Variants in PPP1R9B observed in about 807,000 individuals in gnomAD.
The protein encoded by PPP1R9B is neurabin-2.
A neutral mutation model predicts 75.8 loss-of-function variants in PPP1R9B; 17 were observed. That is an observed-to-expected ratio of 0.22 (90% CI 0.15 to 0.34). The LOEUF (loss-of-function observed/expected upper bound fraction) is 0.34, where lower values mean the gene tolerates loss of function less well. Ranked by LOEUF, PPP1R9B falls within the 10% of genes least tolerant of loss-of-function variation. The pLI is 1.00. For synonymous variants in PPP1R9B, 509 were observed against 535.4 expected, an observed-to-expected ratio of 0.95 and a Z score of 0.68; for missense variants, 875 against 1,196.0, an observed-to-expected ratio of 0.73 and a Z score of 3.96.
chr17:50,145,850 G>A (rs1598249111), intron 1 of PPP1R9B, among the ~76,000 whole-genome samples: 1 of 152,144 alleles, frequency 6.6e-6, no homozygotes, highest in African/African-American at 2.4e-5. Context: ...GCAGGGGAGG[G>A]AAGCAGGAAA....
Position 50,136,054 on chromosome 17 carries a change from C to G in PPP1R9B, c.2217G>C (p.Glu739Asp). The change falls in exon 8 of 10, where the codon GAG (glutamate) becomes GAC (aspartate). Residue 739 changes from glutamate (E) to aspartate (D), a missense_variant. Coordinates refer to ENST00000612501, the MANE Select transcript of PPP1R9B (RefSeq NM_032595.5). ...ACTGCGCCTGAGTCTCCCGCAGGTG[C>G]TCGTCCACAGCCTGGCACAGGCTCT... ...EAQSLCQAVD[E>D]HLRETQAQYQ... is the part of the protein sequence containing the mutation. The G allele has an allele frequency of 6.2e-7, 1 of 1,612,484 alleles. No individual in the cohort carries two copies. The highest frequency in any genetic ancestry group is 8.5e-7 in the Non-Finnish European group (1 of 1,179,510).
chr17:50,135,858 G>T, intron 8 of PPP1R9B, 110 bp downstream of exon 8: 2 of 951,014 alleles, frequency 2.1e-6, no homozygotes, highest in Non-Finnish European at 3.1e-6. Context: ...CCACCATGGG[G>T]CCCTCCAACT....
chr17:50,139,563 C>T lies in PPP1R9B; in HGVS notation c.1885G>A (p.Asp629Asn). The T allele has an allele frequency of 6.4e-7, 1 of 1,566,592 alleles. No individual in the cohort carries two copies. Among genetic ancestry groups the T allele is most frequent in the African/African-American group, 1.4e-5 (1 of 73,680 alleles). ...DDEETGEYATDEDEELSPTFP... is the reference protein window; with the variant it reads ...DDEETGEYATNEDEELSPTFP... ...GTGGGGCTCAGCTCCTCATCCTCGTCAGTGGCATACTCTCCCGTCTGCGAA... is the reference window on the plus strand; with the variant it reads ...GTGGGGCTCAGCTCCTCATCCTCGTTAGTGGCATACTCTCCCGTCTGCGAA... Residue 629 changes from aspartate (D) to asparagine (N), a missense_variant, in exon 6 of 10, where the codon GAC (aspartate) becomes AAC (asparagine). Asp to Asn is a conservative substitution (Grantham distance 23, BLOSUM62 1). Coordinates refer to ENST00000612501, the MANE Select transcript of PPP1R9B (RefSeq NM_032595.5). The surrounding 1 kb of genome is among the most constrained non-coding windows in gnomAD (Gnocchi z 5.0).
In PPP1R9B at chr17:50,150,466, G is replaced by A; in HGVS notation, c.48C>T (p.Ala16=). ...CCTCGTAGGCGCTGCGGTGCGGGGAGGCGCTCCGGAGGGGACCCCCGGGCC... is the reference window on the plus strand; with the variant it reads ...CCTCGTAGGCGCTGCGGTGCGGGGAAGCGCTCCGGAGGGGACCCCCGGGCC... The part of the protein sequence containing the change: ...PRGPGGPLRS[A]SPHRSAYEAG... Residue 16 remains alanine, a synonymous_variant, in exon 1 of 10, where the codon GCC becomes GCT. Coordinates refer to ENST00000612501, the MANE Select transcript of PPP1R9B (RefSeq NM_032595.5). The surrounding 1 kb of genome is among the most constrained non-coding windows in gnomAD (Gnocchi z 8.7). 7.2e-7 allele frequency: 1 copy of A among 1,384,988 alleles called. No homozygotes were observed. The highest frequency in any genetic ancestry group is 1.6e-5 in the South Asian group (1 of 62,178). 85.8% of individuals were successfully genotyped at this position (1,384,988 alleles called of 1,614,324 possible).
At chr17:50,138,812 A>T (rs1370632714) in intron 7 of PPP1R9B, among the ~76,000 whole-genome samples, 1 of 152,010 alleles carries the variant, frequency 6.6e-6, no homozygotes, top group Non-Finnish European at 1.5e-5. Context: ...GTTTGTAGAG[A>T]TAGGTTTTCG....
chr17:50,142,417 G>A lies in PPP1R9B; in HGVS notation c.1626-1044C>T, dbSNP rs910607186. ...TTAGACAACCCACAGGCAACAATGG[G>A]AAAGGCTCTGGAAGTTCACATTGGG... On this transcript the variant is annotated intron_variant, in intron 3 of 9. Transcript: ENST00000612501. The surrounding 1 kb of genome is among the most constrained non-coding windows in gnomAD (Gnocchi z 4.1). Among the ~76,000 whole-genome samples the A allele has an allele frequency of 6.6e-6, 1 of 152,186 alleles. No individual in the cohort carries two copies. The highest frequency in any genetic ancestry group is 1.5e-5 in the Non-Finnish European group (1 of 68,026).
intron 1 of PPP1R9B, among the ~76,000 whole-genome samples, chr17:50,147,059 G>A (rs1192019928): frequency 6.6e-6 from 1 of 152,148 alleles, no homozygotes; most frequent in South Asian, 2.1e-4. Context: ...CACGCCCGCT[G>A]TGACCTCCAA....
Position 50,150,066 on chromosome 17 carries a change from G to C in PPP1R9B, c.448C>G (p.Leu150Val), listed in dbSNP as rs1187417372. Residue 150 changes from leucine to valine, a missense_variant, in exon 1 of 10, where the codon CTG becomes GTG. Around this residue, in one of 4 missense-constraint regions of PPP1R9B, gnomAD observed 449 missense variants for 475.0 expected, o/e 0.95. Transcript: ENST00000612501. The surrounding 1 kb of genome is among the most constrained non-coding windows in gnomAD (Gnocchi z 8.7). ...GCCGCTGGGGCGCTCCGTTCGAACA[G>C]CTTCCGCGTCTCCTGCAGCCGGGAC... The part of the protein sequence containing the change: ...PPSRLQETRK[L>V]FERSAPAAAG... 6.9e-7 allele frequency: 1 copy of C among 1,443,440 alleles called. No homozygotes were observed. Among genetic ancestry groups the C allele is most frequent in the Non-Finnish European group, 9.0e-7 (1 of 1,105,550 alleles). 89.4% of individuals were successfully genotyped at this position (1,443,440 alleles called of 1,614,324 possible).
At chr17:50,144,500 C>T (rs1912464433) in intron 2 of PPP1R9B, among the ~76,000 whole-genome samples, 1 of 152,184 alleles carries the variant, frequency 6.6e-6, no homozygotes, top group Non-Finnish European at 1.5e-5. Flanking sequence ...GGCTCCCAAT[C>T]CATCTTAGCA....
At chr17:50,135,823 C>T in intron 8 of PPP1R9B, 145 bp downstream of exon 8, 1 of 858,386 alleles carries the variant, frequency 1.2e-6, no homozygotes. Flanking sequence ...GGCTCTGATG[C>T]CTGGTCATTC....
chr17:50,138,523 T>C (rs1567727825), intron 7 of PPP1R9B, among the ~76,000 whole-genome samples: 1 of 152,034 alleles, frequency 6.6e-6, no homozygotes, highest in Admixed American at 6.6e-5. Flanking sequence ...TCTGTACTTA[T>C]CAATGGGCCT....
intron 2 of PPP1R9B, 145 bp from the exon 3 acceptor site, chr17:50,143,863 G>A (rs978928484): frequency 2.4e-5 from 29 of 1,213,692 alleles, no homozygotes; most frequent in East Asian, 2.4e-4. Flanking sequence ...ATATAGTTCT[G>A]TCCACCGTCT....
rs1167347304 is a variant in PPP1R9B, at chr17:50,149,944, G to C, written c.570C>G (p.Asn190Lys). Residue 190 changes from asparagine to lysine, a missense_variant, in exon 1 of 10, where the codon AAC becomes AAG. Transcript: ENST00000612501. The surrounding 1 kb of genome is among the most constrained non-coding windows in gnomAD (Gnocchi z 7.2). ...GCTTGTCCAGCGCCTCGGTGCTGCC[G>C]TTGAAGCGCACCACGACGTCCAGCT... ...DRKLDVVVRF[N>K]GSTEALDKLD... 3 of 1,515,182 alleles carry C rather than the reference G, an allele frequency of 2.0e-6. No homozygotes were observed. The highest frequency in any genetic ancestry group is 2.6e-6 in the Non-Finnish European group (3 of 1,139,504). 93.9% of individuals were successfully genotyped at this position (1,515,182 alleles called of 1,614,324 possible).
Position 50,150,648 on chromosome 17 carries a change from C to T in PPP1R9B, c.-135G>A, listed in dbSNP as rs1441838969. ...GGCCTTTTTTAGGGTCCCCCCAAAA[C>T]CAAGCTGCCAAAAACAGTTAATCCC... On this transcript the variant is annotated 5_prime_UTR_variant, in exon 1 of 10. Coordinates refer to ENST00000612501, the MANE Select transcript of PPP1R9B (RefSeq NM_032595.5). The surrounding 1 kb of genome is among the most constrained non-coding windows in gnomAD (Gnocchi z 8.7). 1.1e-6 allele frequency: 1 copy of T among 879,094 alleles called. No individual in the cohort carries two copies. Among genetic ancestry groups the T allele is most frequent in the Non-Finnish European group, 1.5e-6 (1 of 666,684 alleles). The allele number at this position is 879,094 out of a possible 1,614,324, so 54.5% of individuals were successfully genotyped here.
Position 50,144,981 on chromosome 17 carries a change from G to A in PPP1R9B, c.1504+132C>T, listed in dbSNP as rs1054911069. The A allele has an allele frequency of 4.3e-6, 5 of 1,164,206 alleles. No individual in the cohort carries two copies. The African/African-American group carries it at 6.2e-5, about 14-fold the overall frequency. The allele number at this position is 1,164,206 out of a possible 1,614,324, so 72.1% of individuals were successfully genotyped here. A position where few individuals can be genotyped will look rare whatever the true frequency, so the allele number is the denominator to read the frequency against. ...GGGAGGAGCGGGGAAGGTCACCAAG[G>A]GCCTGAGTCAGAGGGAGAGGCCCAG... On this transcript the variant is annotated intron_variant, in intron 2 of 9. Coordinates refer to ENST00000612501, the MANE Select transcript of PPP1R9B (RefSeq NM_032595.5).
At chr17:50,148,014 C>G (rs559663262) in intron 1 of PPP1R9B, among the ~76,000 whole-genome samples, 55 of 152,196 alleles carry the variant, frequency 3.6e-4, no homozygotes, top group Non-Finnish European at 6.0e-4. Context: ...GACCTGGACA[C>G]TTCCATGGGG....
rs1912413233 is a variant in PPP1R9B at position 50,142,545 on chromosome 17, A to G, written c.1625+1053T>C. The stretch of plus-strand genomic sequence containing the variant: ...CTTGACAGGGCAGCCCCATCTCTAG[A>G]AACAAGATCCCAAAGTCACCCAGAT... On this transcript the variant is annotated intron_variant, in intron 3 of 9. Coordinates refer to ENST00000612501, the MANE Select transcript of PPP1R9B (RefSeq NM_032595.5). The surrounding 1 kb of genome is among the most constrained non-coding windows in gnomAD (Gnocchi z 4.1). Among the ~76,000 whole-genome samples the G allele has an allele frequency of 1.3e-5, 2 of 152,142 alleles. No homozygotes were observed. The highest frequency in any genetic ancestry group is 4.1e-4 in the South Asian group (2 of 4,830).
Position 50,135,538 on chromosome 17 carries a change from G to A in PPP1R9B, c.2400+15C>T, listed in dbSNP as rs376853336. ...CCCTCCACTGGGCCCTGCCCACAGG[G>A]CGCCCCAGGCCCACCTTGTCCAGGA... On this transcript the variant is annotated intron_variant, in intron 9 of 9. Transcript: ENST00000612501. The A allele has an allele frequency of 4.2e-4, 677 of 1,608,526 alleles. No homozygotes were observed. Among genetic ancestry groups the A allele is most frequent in the South Asian group, 5.2e-4 (47 of 90,738 alleles).
Position 50,150,095 on chromosome 17 carries a change from G to A in PPP1R9B, c.419C>T (p.Pro140Leu). The change falls in exon 1 of 10, where the codon CCG becomes CTG. Residue 140 changes from proline (P) to leucine (L), a missense_variant. Coordinates refer to ENST00000612501, the MANE Select transcript of PPP1R9B (RefSeq NM_032595.5). This position sits in a 1 kb window ranked among gnomAD's most constrained non-coding sequence, Gnocchi z 8.7. ...PSAQPAPPPHPPSRLQETRKL... is the reference protein window; with the variant it reads ...PSAQPAPPPHLPSRLQETRKL... ...CCGCGTCTCCTGCAGCCGGGACGGCGGGTGCGGCGGCGGCGCAGGCTGCGC... is the reference window on the plus strand; with the variant it reads ...CCGCGTCTCCTGCAGCCGGGACGGCAGGTGCGGCGGCGGCGCAGGCTGCGC... The A allele has an allele frequency of 1.1e-5, 16 of 1,400,728 alleles. No homozygotes were observed. Among genetic ancestry groups the A allele is most frequent in the Non-Finnish European group, 1.5e-5 (16 of 1,083,066 alleles). 86.8% of individuals were successfully genotyped at this position (1,400,728 alleles called of 1,614,324 possible).
Sources: allele counts gnomAD v4.1 joint callset (sites outside exome capture counted in the v4.1 genomes callset), GRCh38; gene constraint gnomAD v4.1.1; regional missense constraint gnomAD v4.1.1; non-coding constraint Gnocchi (gnomAD v3.1); transcripts MANE v1.5; gene names NCBI Gene and HGNC (gene_info 2026-07-23, HGNC 2026-07-21).